PSD3: variants seen among roughly 807,000 people sequenced by gnomAD.
PSD3 encodes PH and SEC7 domain-containing protein 3.
A neutral mutation model predicts 105.5 loss-of-function variants in PSD3; 49 were observed. That is an observed-to-expected ratio of 0.46 (90% CI 0.37 to 0.59). PSD3 has a LOEUF of 0.59. Among genes scored for constraint, PSD3 ranks in the 20% least tolerant of loss-of-function variants. PSD3 has a pLI of 0.00. For synonymous variants in PSD3, 557 were observed against 457.8 expected, an observed-to-expected ratio of 1.22 and a Z score of -2.77; for missense variants, 1,561 against 1,263.8, an observed-to-expected ratio of 1.24 and a Z score of -3.57.
At chr8:18,729,092 TAAC>T (rs1266473365) in intron 9 of PSD3, among the ~76,000 whole-genome samples, 1 of 152,130 alleles carries the variant, frequency 6.6e-6, no homozygotes, top group Non-Finnish European at 1.5e-5. Context: ...CTGTAAAATT[TAAC>T]AACTAACAGA....
chr8:19,015,629 A>G (rs1396090162), upstream of PSD3, among the ~76,000 whole-genome samples: 3 of 152,238 alleles, frequency 2.0e-5, no homozygotes, highest in African/African-American at 4.8e-5. Flanking sequence ...AAGTAATCAT[A>G]TAGGAGGCAG....
At chr8:18,988,591 A>C in intron 1 of PSD3, among the ~76,000 whole-genome samples, 1 of 139,470 alleles carries the variant, frequency 7.2e-6, no homozygotes, top group East Asian at 2.1e-4. Context: ...CCAACTCAAA[A>C]ATGCTCACCC....
chr8:18,752,641 TAATATATATAATATATTATATTTG>T (rs1563225945), intron 9 of PSD3, among the ~76,000 whole-genome samples: 1 of 91,974 alleles, frequency 1.1e-5, no homozygotes, highest in Non-Finnish European at 1.9e-5. Context: ...ATAATATATA[TAATATATATAATATATTATATTTG>T]ATATATATCA....
rs1006027490 is a variant in PSD3, at chr8:18,533,600, T to C, written c.*2143A>G. ...TACAGACATTCTATATACATAGATATAGACTGTGGGCAAACACATTCAAGC... is the reference window on the plus strand; with the variant it reads ...TACAGACATTCTATATACATAGATACAGACTGTGGGCAAACACATTCAAGC... On this transcript the variant is annotated 3_prime_UTR_variant, in exon 16 of 16. Transcript: ENST00000327040. 2.6e-5 allele frequency: 4 copies of C among 152,368 alleles called. No individual in the cohort carries two copies. The highest frequency in any genetic ancestry group is 1.9e-4 in the East Asian group (1 of 5,188). 9.4% of individuals were successfully genotyped at this position (152,368 alleles called of 1,614,324 possible).
chr8:18,682,897 C>T (rs180740201), intron 9 of PSD3, among the ~76,000 whole-genome samples: 1 of 152,066 alleles, frequency 6.6e-6, no homozygotes, highest in East Asian at 1.9e-4. Flanking sequence ...TGAGATCCAC[C>T]TCCTGACGCT....
chr8:18,553,239 C>A (rs1224679779), intron 15 of PSD3, among the ~76,000 whole-genome samples: 3 of 152,138 alleles, frequency 2.0e-5, no homozygotes, highest in African/African-American at 7.2e-5. Context: ...TTGAGGAGGA[C>A]CCACCATAAG....
At chr8:18,932,202 A>G (rs1033439454) in intron 2 of PSD3, among the ~76,000 whole-genome samples, 2 of 152,152 alleles carry the variant, frequency 1.3e-5, no homozygotes, top group Admixed American at 6.6e-5. Context: ...CATTTTCCCT[A>G]TTTTACAGAT....
chr8:19,024,275 G>A (rs1385651301), intron 1 of PSD3, among the ~76,000 whole-genome samples: 2 of 152,076 alleles, frequency 1.3e-5, no homozygotes, highest in Admixed American at 6.5e-5. Flanking sequence ...TATAACCTGT[G>A]GAAATTACCT....
intron 9 of PSD3, among the ~76,000 whole-genome samples, chr8:18,719,306 T>G (rs1802799361): frequency 6.6e-6 from 1 of 152,186 alleles, no homozygotes; most frequent in Admixed American, 6.5e-5. Context: ...ACTGAAATTT[T>G]AAAAATCTGA....
At chr8:18,637,223 T>C (rs1807320209) in intron 10 of PSD3, among the ~76,000 whole-genome samples, 2 of 152,234 alleles carry the variant, frequency 1.3e-5, no homozygotes, top group Non-Finnish European at 2.9e-5. Flanking sequence ...AAGTTATGGG[T>C]GAGCTCTTTT....
intron 12 of PSD3, among the ~76,000 whole-genome samples, chr8:18,583,610 C>G (rs1802962160): frequency 6.6e-6 from 1 of 152,140 alleles, no homozygotes; most frequent in East Asian, 1.9e-4. Flanking sequence ...ACACGTTTGT[C>G]TCTGAGTTCC....
intron 11 of PSD3, among the ~76,000 whole-genome samples, chr8:18,620,963 G>T (rs376776982): frequency 2.5e-4 from 38 of 152,250 alleles, no homozygotes; most frequent in African/African-American, 9.1e-4. Context: ...TAAACAGAAC[G>T]AGTCAGCAGT....
intron 8 of PSD3, among the ~76,000 whole-genome samples, chr8:18,797,865 T>G (rs1265259440): frequency 6.6e-6 from 1 of 152,182 alleles, no homozygotes; most frequent in Non-Finnish European, 1.5e-5. Context: ...TCAAAATATC[T>G]AGTGTGAAGG....
chr8:18,898,750 A>G (rs1819311681), intron 2 of PSD3, among the ~76,000 whole-genome samples: 1 of 152,214 alleles, frequency 6.6e-6, no homozygotes, highest in Non-Finnish European at 1.5e-5. Flanking sequence ...TTTACTATTC[A>G]TTAAGTGGAA....
chr8:18,979,078 A>C (rs1825111183), intron 1 of PSD3, among the ~76,000 whole-genome samples: 1 of 152,128 alleles, frequency 6.6e-6, no homozygotes, highest in South Asian at 2.1e-4. Context: ...CGAATGGGTA[A>C]GAAGAGACTT....
chr8:18,723,695 C>T (rs1385089170), intron 9 of PSD3, among the ~76,000 whole-genome samples: 2 of 152,162 alleles, frequency 1.3e-5, no homozygotes, highest in Non-Finnish European at 1.5e-5. Context: ...AGATTAATGA[C>T]ACTGGTAAGT....
chr8:18,831,708 T>A (rs561408767), intron 4 of PSD3, among the ~76,000 whole-genome samples: 2 of 151,928 alleles, frequency 1.3e-5, no homozygotes, highest in African/African-American at 2.4e-5. Flanking sequence ...GGCAACAAAG[T>A]GAGACTCCAT....
intron 2 of PSD3, among the ~76,000 whole-genome samples, chr8:18,878,028 G>C (rs1022479024): frequency 1.3e-5 from 2 of 152,052 alleles, no homozygotes; most frequent in African/African-American, 4.8e-5. Flanking sequence ...TTTTGATAGG[G>C]GCTGCAATGA....
rs35148351 is a variant in PSD3 at position 18,715,570 on chromosome 8, A to AT, written c.2172+49878dup. On this transcript the variant is annotated intron_variant, in intron 9 of 15. Transcript: ENST00000327040. ...TTTCCTACAGACTAGAAGGCTTTAG[A>AT]TTTTGTCTCTGGAGCTAAATAAAAC... Among the ~76,000 whole-genome samples, 791 of 152,312 alleles carry AT rather than the reference A, an allele frequency of 5.2e-3. 27 individuals carry two copies. The highest frequency in any genetic ancestry group is 0.035 in the Admixed American group (539 of 15,296).
Sources: allele counts gnomAD v4.1 joint callset (sites outside exome capture counted in the v4.1 genomes callset), GRCh38; gene constraint gnomAD v4.1.1; transcripts MANE v1.5; gene names NCBI Gene and HGNC (gene_info 2026-07-23, HGNC 2026-07-21).